The following HMGA2 variants were observed in gnomAD, a reference collection of about 807,000 sequenced individuals.
The protein encoded by HMGA2 is high mobility group protein HMGI-C.
HMGA2 carries 8 observed loss-of-function variants against 19.1 expected under a neutral mutation model. That is an observed-to-expected ratio of 0.42 (90% CI 0.25 to 0.76). HMGA2 has a LOEUF of 0.76. HMGA2 is among the 30% of genes least tolerant of loss of function. The pLI is 0.28. For synonymous variants in HMGA2, 60 were observed against 48.8 expected, an observed-to-expected ratio of 1.23 and a Z score of -0.96; for missense variants, 109 against 136.3, an observed-to-expected ratio of 0.80 and a Z score of 1.00.
intron 3 of HMGA2, chr12:65,915,479 G>A: frequency 1.6e-6 from 2 of 1,234,836 alleles, no homozygotes; most frequent in Non-Finnish European, 2.1e-6. Flanking sequence ...AGAAATCACA[G>A]TGTGGCTATG....
At chr12:65,930,470 G>A (rs527766547) in intron 3 of HMGA2, among the ~76,000 whole-genome samples, 1 of 152,340 alleles carries the variant, frequency 6.6e-6, no homozygotes, top group African/African-American at 2.4e-5. Flanking sequence ...TTTGCGGGGA[G>A]CTTGGCATTT....
chr12:65,879,000 T>G (rs567796399), intron 3 of HMGA2, among the ~76,000 whole-genome samples: 1 of 152,244 alleles, frequency 6.6e-6, no homozygotes. Context: ...TATATAATGT[T>G]GCACAGAAAC....
At chr12:65,944,874 TTTAAGAGTCAGAGTC>T (rs1876209044) in intron 3 of HMGA2, among the ~76,000 whole-genome samples, 1 of 152,122 alleles carries the variant, frequency 6.6e-6, no homozygotes, top group Non-Finnish European at 1.5e-5. Context: ...ATTTTTGTTT[TTTAAGAGTCAGAGTC>T]TTGCTATGTT....
chr12:65,841,446 G>C (rs1159442709), intron 3 of HMGA2, among the ~76,000 whole-genome samples: 1 of 152,210 alleles, frequency 6.6e-6, no homozygotes, highest in Non-Finnish European at 1.5e-5. Flanking sequence ...TCTAGACAGT[G>C]TGTTTCCTCT....
rs1875347906 is a variant in HMGA2, at chr12:65,922,373, G to C, written c.250-29010G>C. ...CAGTATGACCTGGATGTGAGACCTG[G>C]AGTCAAAGGAGATCGCTTTGGAGCT... is the stretch of plus-strand genomic sequence containing the variant. On this transcript the variant is annotated intron_variant, in intron 3 of 4. Transcript: ENST00000403681. Among the ~76,000 whole-genome samples, 5 of 152,206 alleles carry C rather than the reference G, an allele frequency of 3.3e-5. 1 individual carries two copies. In the South Asian group the frequency reaches 1.0e-3, roughly 32 times the overall value.
intron 3 of HMGA2, among the ~76,000 whole-genome samples, chr12:65,918,996 G>T (rs770271460): frequency 5.3e-5 from 8 of 152,132 alleles, no homozygotes; most frequent in Non-Finnish European, 1.2e-4. Flanking sequence ...GTACGGTTCT[G>T]ATAAATCTCT....
chr12:65,826,583 G>GAA (rs1244512382), intron 1 of HMGA2: 2 of 152,110 alleles, frequency 1.3e-5, no homozygotes, highest in Admixed American at 1.3e-4. Flanking sequence ...GTGCATTTTA[G>GAA]AAAAATTGAG....
chr12:65,857,821 A>G (rs1871822800), intron 3 of HMGA2: 1 of 152,270 alleles, frequency 6.6e-6, no homozygotes, highest in Non-Finnish European at 1.5e-5. Context: ...TCTTCCCATA[A>G]GGCTAGTCCC....
Position 65,952,059 on chromosome 12 carries a change from AC to A in HMGA2, c.282+645del, listed in dbSNP as rs563589929. 1.1e-4 allele frequency: 31 copies of A among 283,078 alleles called. No individual in the cohort carries two copies. In the East Asian group the frequency reaches 1.8e-3, roughly 17 times the overall value. The allele number at this position is 283,078 out of a possible 1,614,324, so 17.5% of individuals were successfully genotyped here. ...ATCTGTACATAGAAACATTAAAAAA[AC>A]ATATTTATTGAGGAAGCATATCTTG... is the stretch of plus-strand genomic sequence containing the variant. On this transcript the variant is annotated intron_variant, in intron 4 of 4. Coordinates refer to ENST00000403681, the MANE Select transcript of HMGA2 (RefSeq NM_003483.6).
chr12:65,880,410 A>G (rs1267623471), intron 3 of HMGA2, among the ~76,000 whole-genome samples: 1 of 152,224 alleles, frequency 6.6e-6, no homozygotes, highest in African/African-American at 2.4e-5. Flanking sequence ...TGCCCTTTGT[A>G]TTTAAAGATT....
At chr12:65,873,356 G>A (rs12321756) in intron 3 of HMGA2, among the ~76,000 whole-genome samples, 6,344 of 152,120 alleles carry the variant, frequency 0.042, 440 homozygotes, top group African/African-American at 0.14. Flanking sequence ...CACCAAATAC[G>A]GCAGCCATCA....
chr12:65,862,422 A>G (rs188834581), intron 3 of HMGA2, among the ~76,000 whole-genome samples: 40 of 152,294 alleles, frequency 2.6e-4, no homozygotes, highest in African/African-American at 8.4e-4. Context: ...TTTTCTGCAA[A>G]TAAGCCTAAA....
chr12:65,841,792 A>C (rs957688636), intron 3 of HMGA2, among the ~76,000 whole-genome samples: 97 of 152,298 alleles, frequency 6.4e-4, no homozygotes, highest in African/African-American at 2.1e-3. Flanking sequence ...AGATTCATGT[A>C]AGAGGCCTGG....
At chr12:65,915,812 C>A (rs1174244169) in intron 3 of HMGA2, among the ~76,000 whole-genome samples, 2 of 152,214 alleles carry the variant, frequency 1.3e-5, no homozygotes, top group African/African-American at 4.8e-5. Context: ...AAAATGTCCA[C>A]ATTCTATTAA....
intron 3 of HMGA2, chr12:65,874,233 G>A (rs1385952767): frequency 6.6e-6 from 1 of 150,446 alleles, no homozygotes; most frequent in Non-Finnish European, 1.5e-5. Flanking sequence ...AACTTAAAAT[G>A]TAAATTAATA....
At chr12:65,943,185 C>A (rs1353681064) in intron 3 of HMGA2, among the ~76,000 whole-genome samples, 1 of 152,200 alleles carries the variant, frequency 6.6e-6, no homozygotes, top group South Asian at 2.1e-4. Context: ...ACACCCAGTT[C>A]CTGCCTGTCA....
chr12:65,910,003 G>A (rs750654377), intron 3 of HMGA2, among the ~76,000 whole-genome samples: 1 of 152,100 alleles, frequency 6.6e-6, no homozygotes, highest in African/African-American at 2.4e-5. Flanking sequence ...CCAGTAAAAA[G>A]GGCAAATAAA....
intron 3 of HMGA2, among the ~76,000 whole-genome samples, chr12:65,844,436 G>A (rs1231612487): frequency 2.0e-5 from 3 of 151,874 alleles, no homozygotes; most frequent in South Asian, 4.2e-4. Context: ...TTTCCCTATG[G>A]GGAAAAGTAG....
chr12:65,879,292 A>AATT (rs1555184079), intron 3 of HMGA2, among the ~76,000 whole-genome samples: 34 of 103,964 alleles, frequency 3.3e-4, no homozygotes, highest in East Asian at 9.7e-4. Flanking sequence ...CATACCAGCT[A>AATT]TTTTTTTTTT....
Sources: gnomAD v4.1 joint callset for allele counts (sites outside exome capture counted in the v4.1 genomes callset) on GRCh38, gnomAD v4.1.1 for gene constraint, MANE v1.5 for transcripts, NCBI Gene and HGNC (gene_info 2026-07-23, HGNC 2026-07-21) for gene names.